ATP8A2: variants seen among roughly 807,000 people sequenced by gnomAD.
ATP8A2 encodes phospholipid-transporting ATPase IB.
Under a neutral mutation model 165.6 loss-of-function variants are expected in ATP8A2, and 100 were observed. The ratio of observed to expected loss-of-function variants is 0.60; its 90% CI spans 0.51 to 0.71. The LOEUF (loss-of-function observed/expected upper bound fraction) is 0.71. ATP8A2 is among the 30% of genes least tolerant of loss of function. The pLI is 0.00. For missense variants in ATP8A2, 1,227 were observed against 1,479.5 expected (o/e 0.83, Z 2.80); for synonymous variants, 543 against 548.8 (o/e 0.99, Z 0.15).
chr13:25,399,420 A>T (rs2033547423), intron 1 of ATP8A2, among the ~76,000 whole-genome samples: 1 of 5,344 alleles, frequency 1.9e-4, no homozygotes, highest in African/African-American at 3.9e-4. Context: ...TTTTTTTGAG[A>T]CGGAGTTTCG....
chr13:25,698,223 TG>T (rs1185461147), intron 24 of ATP8A2, among the ~76,000 whole-genome samples: 2 of 138,150 alleles, frequency 1.4e-5, no homozygotes, highest in Non-Finnish European at 3.1e-5. Context: ...CAAGAACGTC[TG>T]TTTTTTTTTT....
chr13:25,636,593 A>G (rs2041373274), intron 24 of ATP8A2, among the ~76,000 whole-genome samples: 1 of 152,166 alleles, frequency 6.6e-6, no homozygotes, highest in African/African-American at 2.4e-5. Context: ...AGATATGACA[A>G]TCCATGAAGC....
Position 25,564,035 on chromosome 13 carries a change from A to G in ATP8A2, c.1473+4A>G, listed in dbSNP as rs2039240910. ...GAAGAACATTGAGGATCGCCATGTAAGTGCTCTGTTTTACTTCGAAGACAG... is the reference window on the plus strand; with the variant it reads ...GAAGAACATTGAGGATCGCCATGTAGGTGCTCTGTTTTACTTCGAAGACAG... On this transcript the variant is annotated splice_donor_region_variant and intron_variant, in intron 16 of 36. Coordinates refer to ENST00000381655, the MANE Select transcript of ATP8A2 (RefSeq NM_016529.6). 5 of 1,607,038 alleles carry G rather than the reference A, an allele frequency of 3.1e-6. No individual in the cohort carries two copies. Among genetic ancestry groups the G allele is most frequent in the Non-Finnish European group, 3.4e-6 (4 of 1,173,688 alleles).
chr13:25,841,143 T>C (rs1200664229), intron 30 of ATP8A2, among the ~76,000 whole-genome samples: 1 of 152,232 alleles, frequency 6.6e-6, no homozygotes, highest in African/African-American at 2.4e-5. Context: ...TGGTTTGTGG[T>C]GAAATTGCTA....
intron 24 of ATP8A2, among the ~76,000 whole-genome samples, chr13:25,630,452 A>T (rs1210790305): frequency 6.6e-6 from 1 of 152,142 alleles, no homozygotes; most frequent in African/African-American, 2.4e-5. Flanking sequence ...TAATTTCACC[A>T]TGTCAGTTTT....
At chr13:25,399,594 G>T (rs532253494) in intron 1 of ATP8A2, among the ~76,000 whole-genome samples, 2 of 121,706 alleles carry the variant, frequency 1.6e-5, no homozygotes, top group South Asian at 6.6e-4. Context: ...AGTAGAGACG[G>T]GGTTTCACCG....
intron 35 of ATP8A2, among the ~76,000 whole-genome samples, chr13:25,994,538 G>A (rs2139301113): frequency 6.6e-6 from 1 of 152,122 alleles, no homozygotes; most frequent in Admixed American, 6.5e-5. Context: ...TTGTCAAGTT[G>A]GGGGAGTTCT....
At chr13:25,972,927 A>G (rs1481218260) in intron 35 of ATP8A2, among the ~76,000 whole-genome samples, 1 of 152,184 alleles carries the variant, frequency 6.6e-6, no homozygotes, top group African/African-American at 2.4e-5. Flanking sequence ...AATGGCAAGC[A>G]AGAAAAAAAA....
chr13:25,814,261 CT>C (rs1322384047), intron 27 of ATP8A2, among the ~76,000 whole-genome samples: 2 of 152,002 alleles, frequency 1.3e-5, no homozygotes, highest in African/African-American at 2.4e-5. Flanking sequence ...GAAATTATAT[CT>C]TTTACAACTA....
chr13:25,767,145 C>T (rs1479612286), intron 25 of ATP8A2, among the ~76,000 whole-genome samples: 1 of 152,218 alleles, frequency 6.6e-6, no homozygotes, highest in East Asian at 1.9e-4. Flanking sequence ...TTTTGTGTAG[C>T]CAGTTACAGT....
intron 23 of ATP8A2, among the ~76,000 whole-genome samples, chr13:25,589,168 T>C (rs1246335192): frequency 6.6e-6 from 1 of 152,170 alleles, no homozygotes; most frequent in Non-Finnish European, 1.5e-5. Context: ...TGTGGATTAC[T>C]TTAAATTTTT....
chr13:25,892,580 C>CCTCTCTCT (rs55782604), intron 33 of ATP8A2, among the ~76,000 whole-genome samples: 20 of 144,170 alleles, frequency 1.4e-4, no homozygotes, highest in African/African-American at 5.0e-4. Context: ...AATGGAAACA[C>CCTCTCTCT]CTCTCTCTCT....
At chr13:25,632,931 G>A (rs1239528533) in intron 24 of ATP8A2, among the ~76,000 whole-genome samples, 1 of 152,204 alleles carries the variant, frequency 6.6e-6, no homozygotes, top group Non-Finnish European at 1.5e-5. Context: ...CAGAGTCACA[G>A]TCTGTTTGCC....
At chr13:25,871,148 C>A in intron 33 of ATP8A2, 2 of 372,708 alleles carry the variant, frequency 5.4e-6, no homozygotes, top group Non-Finnish European at 5.2e-6. Context: ...GTGGTGTTGG[C>A]ATTTGTCATT....
At chr13:25,870,575 C>T (rs956304062) in intron 33 of ATP8A2, among the ~76,000 whole-genome samples, 1 of 152,156 alleles carries the variant, frequency 6.6e-6, no homozygotes, top group Non-Finnish European at 1.5e-5. Flanking sequence ...TAAGCATTGG[C>T]TCATTCAGTA....
intron 33 of ATP8A2, among the ~76,000 whole-genome samples, chr13:25,878,334 T>C (rs1392755157): frequency 6.6e-6 from 1 of 152,068 alleles, no homozygotes. Context: ...GGCCTCCCAG[T>C]GTTACAGGAA....
intron 27 of ATP8A2, 141 bp from the exon 28 acceptor site, chr13:25,827,977 A>G (rs1265220508): frequency 3.0e-6 from 2 of 660,334 alleles, no homozygotes; most frequent in Non-Finnish European, 5.5e-6. Flanking sequence ...TTATAAAGGA[A>G]CAACTGCTGC....
At chr13:25,658,896 G>A (rs1015709351) in intron 24 of ATP8A2, among the ~76,000 whole-genome samples, 1 of 152,092 alleles carries the variant, frequency 6.6e-6, no homozygotes, top group Non-Finnish European at 1.5e-5. Context: ...AACTCAACCT[G>A]GTACTACTGT....
chr13:25,506,961 A>ATATATATATATATATC (rs569215571), intron 2 of ATP8A2, among the ~76,000 whole-genome samples: 1 of 145,276 alleles, frequency 6.9e-6, no homozygotes, highest in Non-Finnish European at 1.5e-5. Flanking sequence ...ATATATATAT[A>ATATATATATATATATC]TCTTATTTTA....
Sources: allele counts gnomAD v4.1 joint callset (sites outside exome capture counted in the v4.1 genomes callset), GRCh38; gene constraint gnomAD v4.1.1; transcripts MANE v1.5; gene names NCBI Gene and HGNC (gene_info 2026-07-23, HGNC 2026-07-21).